TMEM266: variants seen among roughly 807,000 people sequenced by gnomAD.
The protein encoded by TMEM266 is Hv1 related protein 1.
In TMEM266, 33 loss-of-function variants were observed where a neutral mutation model predicts 50.5. The ratio of observed to expected loss-of-function variants is 0.65; its 90% CI spans 0.50 to 0.87. TMEM266 has a LOEUF of 0.87. Ranked by LOEUF, TMEM266 falls within the 40% of genes least tolerant of loss-of-function variation. The probability of loss-of-function intolerance (pLI) is 0.00; values close to 1 mark genes in which losing one functional copy is unlikely to be tolerated. For missense variants in TMEM266, 655 were observed against 695.1 expected (o/e 0.94, Z 0.65); for synonymous variants, 310 against 292.3 (o/e 1.06, Z -0.62).
At chr15:76,184,041 C>CT in intron 8 of TMEM266, among the ~76,000 whole-genome samples, 1 of 152,326 alleles carries the variant, frequency 6.6e-6, no homozygotes, top group South Asian at 2.1e-4. Flanking sequence ...GGTCACTCGC[C>CT]TTTGAGGCTG....
intron 2 of TMEM266, among the ~76,000 whole-genome samples, chr15:76,135,753 C>T (rs2037578321): frequency 6.6e-6 from 1 of 152,074 alleles, no homozygotes. Flanking sequence ...TAGCAAAAAG[C>T]AAAGGTTTAA....
intron 1 of TMEM266, among the ~76,000 whole-genome samples, chr15:76,077,783 A>G (rs1228009979): frequency 1.3e-5 from 2 of 152,162 alleles, no homozygotes; most frequent in East Asian, 1.9e-4. Flanking sequence ...GGCCCTCACG[A>G]CACCTTGATT....
rs1427306123 is a variant in TMEM266 at position 76,139,414 on chromosome 15, G to T, written c.227+1519G>T. Among the ~76,000 whole-genome samples, 1 of 152,228 alleles carries T rather than the reference G, an allele frequency of 6.6e-6. No individual in the cohort carries two copies. The highest frequency in any genetic ancestry group is 1.5e-5 in the Non-Finnish European group (1 of 68,038). On this transcript the variant is annotated intron_variant, in intron 3 of 10. Transcript: ENST00000388942. This position sits in a 1 kb window ranked among gnomAD's most constrained non-coding sequence, Gnocchi z 4.1. ...ACCTGCAGTGGCAGCACTGTCCTGAGCTCTGTCAGGTCCTTACCATCTTGA... is the reference window on the plus strand; with the variant it reads ...ACCTGCAGTGGCAGCACTGTCCTGATCTCTGTCAGGTCCTTACCATCTTGA...
rs1486432580 is a variant in TMEM266 at position 76,160,786 on chromosome 15, C to T, written c.456+618C>T. Among the ~76,000 whole-genome samples the T allele has an allele frequency of 6.6e-6, 1 of 152,082 alleles. No homozygotes were observed. Among genetic ancestry groups the T allele is most frequent in the African/African-American group, 2.4e-5 (1 of 41,406 alleles). On this transcript the variant is annotated intron_variant, in intron 5 of 10. Transcript: ENST00000388942. This position sits in a 1 kb window ranked among gnomAD's most constrained non-coding sequence, Gnocchi z 5.7. Reference sequence around the variant, plus strand: ...TCGCCGTCAGCGTTGCTGGAGTCGGCTAGTAGAGACCAAGTGCGAATCTCT... The same window carrying T: ...TCGCCGTCAGCGTTGCTGGAGTCGGTTAGTAGAGACCAAGTGCGAATCTCT...
chr15:76,110,254 C>G, intron 1 of TMEM266, among the ~76,000 whole-genome samples: 1 of 152,040 alleles, frequency 6.6e-6, no homozygotes, highest in East Asian at 1.9e-4. Context: ...CCACCTGCCT[C>G]AGCCTCCCAA....
At chr15:76,142,396 T>C (rs571054893) in intron 3 of TMEM266, among the ~76,000 whole-genome samples, 2 of 152,004 alleles carry the variant, frequency 1.3e-5, no homozygotes, top group African/African-American at 4.8e-5. Context: ...CGTCTCAAAA[T>C]AATAATAATA....
chr15:76,172,494 G>T (rs2038201586), intron 7 of TMEM266, among the ~76,000 whole-genome samples: 1 of 152,234 alleles, frequency 6.6e-6, no homozygotes, highest in Non-Finnish European at 1.5e-5. Context: ...CCCTCAGGGT[G>T]GGCTCCCTCT....
At chr15:76,143,854 C>T (rs1440595840) in intron 3 of TMEM266, among the ~76,000 whole-genome samples, 1 of 152,312 alleles carries the variant, frequency 6.6e-6, no homozygotes, top group East Asian at 1.9e-4. Flanking sequence ...TGGTAACATT[C>T]AAAGTCGTGT....
At chr15:76,062,853 A>G (rs1037130613) in intron 1 of TMEM266, among the ~76,000 whole-genome samples, 2 of 152,092 alleles carry the variant, frequency 1.3e-5, no homozygotes, top group Non-Finnish European at 2.9e-5. Context: ...CTTAAGCATT[A>G]TTTGTTTTTA....
At position 76,136,233 on chromosome 15, in the gene TMEM266, A is replaced by G. The variant is rs539899273; in HGVS notation, c.39-1474A>G. Among the ~76,000 whole-genome samples, 117 of 152,222 alleles carry G rather than the reference A, an allele frequency of 7.7e-4. 1 individual carries two copies. Among genetic ancestry groups the G allele is most frequent in the African/African-American group, 2.7e-3 (114 of 41,550 alleles). ...GTTGGGATTACAGGCGTGAGCCACC[A>G]TGCCCGGCCTGCAGCTGTGTATTAT... On this transcript the variant is annotated intron_variant, in intron 2 of 10. Coordinates refer to ENST00000388942, the MANE Select transcript of TMEM266 (RefSeq NM_152335.3).
At chr15:76,078,843 A>G (rs560269952) in intron 1 of TMEM266, among the ~76,000 whole-genome samples, 80 of 152,356 alleles carry the variant, frequency 5.3e-4, no homozygotes, top group Non-Finnish European at 1.0e-3. Flanking sequence ...TCTGGAGGAC[A>G]GAAGTCCAAT....
chr15:76,064,133 A>G (rs2036364607), intron 1 of TMEM266, among the ~76,000 whole-genome samples: 1 of 151,908 alleles, frequency 6.6e-6, no homozygotes, highest in South Asian at 2.1e-4. Context: ...CCATCCATCA[A>G]CTCTCCCAGT....
At chr15:76,133,509 C>T (rs935834686) in intron 1 of TMEM266, among the ~76,000 whole-genome samples, 5 of 152,164 alleles carry the variant, frequency 3.3e-5, no homozygotes, top group South Asian at 2.1e-4. Flanking sequence ...AAGTGTCAGA[C>T]GCTATGCTAG....
At position 76,161,026 on chromosome 15, in the gene TMEM266, C is replaced by T. The variant is rs1308507230; in HGVS notation, c.456+858C>T. On this transcript the variant is annotated intron_variant, in intron 5 of 10. Coordinates refer to ENST00000388942, the MANE Select transcript of TMEM266 (RefSeq NM_152335.3). The surrounding 1 kb of genome is among the most constrained non-coding windows in gnomAD (Gnocchi z 4.1). ...TGCTGCAGGCAGGGTTTTATCCTGT[C>T]CCGTGCGCACTGGAGGGTCACTGAA... Among the ~76,000 whole-genome samples, 1 of 152,082 alleles carries T rather than the reference C, an allele frequency of 6.6e-6. No homozygotes were observed. Among genetic ancestry groups the T allele is most frequent in the African/African-American group, 2.4e-5 (1 of 41,414 alleles).
intron 1 of TMEM266, among the ~76,000 whole-genome samples, chr15:76,089,692 A>G (rs148176015): frequency 6.6e-6 from 1 of 152,138 alleles, no homozygotes; most frequent in Non-Finnish European, 1.5e-5. Context: ...TTTTGGGATG[A>G]TCACTAATTG....
At chr15:76,169,982 C>G in intron 6 of TMEM266, 110 bp downstream of exon 6, 1 of 1,201,318 alleles carries the variant, frequency 8.3e-7, no homozygotes, top group Non-Finnish European at 1.2e-6. Context: ...CTGGTTCCTT[C>G]TCCCACTTGA....
intron 1 of TMEM266, among the ~76,000 whole-genome samples, chr15:76,126,173 A>G (rs1046847278): frequency 2.0e-5 from 3 of 151,890 alleles, no homozygotes; most frequent in Non-Finnish European, 4.4e-5. Context: ...AACTCAAAAT[A>G]GAACTACCGT....
At chr15:76,122,660 G>A (rs1451040897) in intron 1 of TMEM266, among the ~76,000 whole-genome samples, 11 of 152,196 alleles carry the variant, frequency 7.2e-5, no homozygotes, top group Admixed American at 7.2e-4. Context: ...TGGGACAGCC[G>A]CTGCAGCCCT....
chr15:76,199,542 G>C (rs976002775), intron 9 of TMEM266, among the ~76,000 whole-genome samples: 13 of 79,464 alleles, frequency 1.6e-4, no homozygotes, highest in Admixed American at 4.0e-4. Flanking sequence ...AGAAGACCTG[G>C]GTGTCCGTGC....
Sources: gnomAD v4.1 joint callset for allele counts (sites outside exome capture counted in the v4.1 genomes callset) on GRCh38, gnomAD v4.1.1 for gene constraint, Gnocchi (gnomAD v3.1) non-coding constraint, MANE v1.5 for transcripts, NCBI Gene and HGNC (gene_info 2026-07-23, HGNC 2026-07-21) for gene names.